Variants in YTHDC1 observed in about 807,000 individuals in gnomAD.
The protein encoded by YTHDC1 is YTH domain-containing protein 1.
YTHDC1 carries 12 observed loss-of-function variants against 107.0 expected under a neutral mutation model. The ratio of observed to expected loss-of-function variants is 0.11; its 90% CI spans 0.07 to 0.18. The LOEUF (loss-of-function observed/expected upper bound fraction) is 0.18. Among genes scored for constraint, YTHDC1 ranks in the 10% least tolerant of loss-of-function variants. YTHDC1 has a pLI of 1.00. For missense variants in YTHDC1, 635 were observed against 898.8 expected (o/e 0.71, Z 3.75); for synonymous variants, 280 against 289.5 (o/e 0.97, Z 0.33).
intron 4 of YTHDC1, 121 bp from the exon 5 acceptor site, chr4:68,333,518 C>A: frequency 1.7e-6 from 1 of 594,586 alleles, no homozygotes; most frequent in Non-Finnish European, 2.9e-6. Flanking sequence ...CTGTGCTCCT[C>A]TCTCCTGATC....
rs1464476804 is a variant in YTHDC1, at chr4:68,333,354, T to C, written c.927A>G (p.Pro309=). The change falls in exon 5 of 17, where the codon CCA becomes CCG. Residue 309 remains proline (P), a synonymous_variant. Coordinates refer to ENST00000344157, the MANE Select transcript of YTHDC1 (RefSeq NM_001031732.4). ...AGCTTCCACTTCTATCAAAAACAAT[T>C]GGAGATATGCCTCTAGCTCTCTTCC... The part of the protein sequence containing the change: ...KERKRARGIS[P]IVFDRSGSSA... 1.2e-6 allele frequency: 2 copies of C among 1,612,924 alleles called. No individual in the cohort carries two copies. The highest frequency in any genetic ancestry group is 1.3e-5 in the African/African-American group (1 of 74,838).
chr4:68,316,853 A>G (rs1361881930), intron 15 of YTHDC1, among the ~76,000 whole-genome samples: 2 of 152,188 alleles, frequency 1.3e-5, no homozygotes, highest in South Asian at 2.1e-4. Flanking sequence ...CACTACTGTT[A>G]AAGTGGTGAA....
chr4:68,319,012 T>G, intron 12 of YTHDC1, 150 bp from the exon 13 acceptor site: 1 of 788,394 alleles, frequency 1.3e-6, no homozygotes, highest in South Asian at 1.8e-5. Flanking sequence ...TTTTCAAATT[T>G]TCTTCTCAGA....
rs1270515794 is a variant in YTHDC1, at chr4:68,322,830, A to G, written c.1520T>C (p.Met507Thr). ...SIDLYQVIHK[M>T]RHKRRMHSQP... ...AGAATGCATTCTTCTCTTGTGACGC[A>G]TTTTATGAATGACCTGATACAAGTC... Residue 507 changes from methionine (M) to threonine (T), a missense_variant, in exon 11 of 17, where the codon ATG becomes ACG. Transcript: ENST00000344157. The surrounding 1 kb of genome is among the most constrained non-coding windows in gnomAD (Gnocchi z 4.8). The G allele has an allele frequency of 1.2e-6, 2 of 1,614,058 alleles. No homozygotes were observed. Among genetic ancestry groups the G allele is most frequent in the Non-Finnish European group, 8.5e-7 (1 of 1,180,044 alleles).
intron 1 of YTHDC1, among the ~76,000 whole-genome samples, chr4:68,338,792 G>A (rs1185289192): frequency 6.6e-6 from 1 of 152,236 alleles, no homozygotes; most frequent in Non-Finnish European, 1.5e-5. Flanking sequence ...AGAGGTTGCA[G>A]TAAGCCAAGA....
Position 68,338,268 on chromosome 4 carries a change from A to T in YTHDC1, c.130+15T>A, listed in dbSNP as rs1246790322. On this transcript the variant is annotated intron_variant, in intron 2 of 16. Transcript: ENST00000344157. ...ATACTGTTATTTCAACAAAAATAAT[A>T]GAACTCTTACATACCCTTTTTCTCA... is the stretch of plus-strand genomic sequence containing the variant. The T allele has an allele frequency of 6.3e-7, 1 of 1,580,206 alleles. No homozygotes were observed. The highest frequency in any genetic ancestry group is 8.6e-7 in the Non-Finnish European group (1 of 1,159,848).
At position 68,322,611 on chromosome 4, in the gene YTHDC1, C is replaced by T; in HGVS notation, c.1601+138G>A. The T allele has an allele frequency of 9.3e-7, 1 of 1,073,602 alleles. No homozygotes were observed. The highest frequency in any genetic ancestry group is 1.3e-6 in the Non-Finnish European group (1 of 775,976). 66.5% of individuals were successfully genotyped at this position (1,073,602 alleles called of 1,614,324 possible). A position where few individuals can be genotyped will look rare whatever the true frequency, so the allele number is the denominator to read the frequency against. ...GACCATGTGAAATCCTCAATGAAGC[C>T]ACAAACTAGTCCATGCAGCTTGATT... On this transcript the variant is annotated intron_variant, in intron 11 of 16. Coordinates refer to ENST00000344157, the MANE Select transcript of YTHDC1 (RefSeq NM_001031732.4). This position sits in a 1 kb window ranked among gnomAD's most constrained non-coding sequence, Gnocchi z 4.8.
At position 68,323,993 on chromosome 4, in the gene YTHDC1, GTTA is replaced by G; in HGVS notation, c.1434+143_1434+145del. The stretch of plus-strand genomic sequence containing the variant: ...GGATGTCTTATTAGTCTCAATCACA[GTTA>G]TTATAAACTTCAGATAAGATTATTT... On this transcript the variant is annotated intron_variant, in intron 10 of 16. Coordinates refer to ENST00000344157, the MANE Select transcript of YTHDC1 (RefSeq NM_001031732.4). 4 of 659,746 alleles carry G rather than the reference GTTA, an allele frequency of 6.1e-6. No individual in the cohort carries two copies. The South Asian group carries it at 8.8e-5, about 15-fold the overall frequency. The allele number at this position is 659,746 out of a possible 1,614,324, so 40.9% of individuals were successfully genotyped here. A position where few individuals can be genotyped will look rare whatever the true frequency, so the allele number is the denominator to read the frequency against.
rs146033274 is a variant in YTHDC1, at chr4:68,325,471, A to G, written c.1350-1248T>C. On this transcript the variant is annotated intron_variant, in intron 9 of 16. Coordinates refer to ENST00000344157, the MANE Select transcript of YTHDC1 (RefSeq NM_001031732.4). ...ACAGGCATAATGGAAAAGGGAAAAC[A>G]TAAGTAACTTTGCCCAGTGAACATG... Among the ~76,000 whole-genome samples, 80 of 152,334 alleles carry G rather than the reference A, an allele frequency of 5.3e-4. 4 individuals are homozygous for G. The East Asian group carries it at 9.4e-3, about 18-fold the overall frequency.
At chr4:68,346,090 T>TATATATATATATAC (rs1725396218) in intron 1 of YTHDC1, among the ~76,000 whole-genome samples, 1 of 135,622 alleles carries the variant, frequency 7.4e-6, no homozygotes, top group African/African-American at 2.7e-5. Context: ...TATATATATA[T>TATATATATATATAC]ATATATATAT....
chr4:68,344,754 G>T (rs1222267886), intron 1 of YTHDC1, among the ~76,000 whole-genome samples: 1 of 152,230 alleles, frequency 6.6e-6, no homozygotes, highest in Non-Finnish European at 1.5e-5. Flanking sequence ...AAGAGTAACA[G>T]GTCGGGCATG....
At chr4:68,324,254 T>C (rs1722741018) in intron 9 of YTHDC1, 31 bp from the exon 10 acceptor site, 1 of 1,575,504 alleles carries the variant, frequency 6.3e-7, no homozygotes, top group South Asian at 1.1e-5. Context: ...ATTACATTCT[T>C]CTGCAGAATC....
chr4:68,325,169 A>C (rs577589274), intron 9 of YTHDC1, among the ~76,000 whole-genome samples: 1 of 152,248 alleles, frequency 6.6e-6, no homozygotes, highest in Non-Finnish European at 1.5e-5. Flanking sequence ...GACGAGAAAG[A>C]TAAGAGTTTG....
intron 4 of YTHDC1, among the ~76,000 whole-genome samples, chr4:68,334,789 C>T (rs1377326598): frequency 1.3e-5 from 2 of 151,944 alleles, no homozygotes; most frequent in East Asian, 1.9e-4. Flanking sequence ...TTTGGGAGGT[C>T]GAGGCAGGCG....
intron 9 of YTHDC1, among the ~76,000 whole-genome samples, chr4:68,328,631 TG>T (rs1166321068): frequency 6.6e-6 from 1 of 152,236 alleles, no homozygotes; most frequent in East Asian, 1.9e-4. Context: ...AGAATTTAGA[TG>T]ATTTCCAACT....
intron 12 of YTHDC1, among the ~76,000 whole-genome samples, chr4:68,319,179 T>C (rs1289409444): frequency 1.3e-5 from 2 of 152,176 alleles, no homozygotes; most frequent in African/African-American, 4.8e-5. Context: ...AGAGGAACTA[T>C]CTTGAGCACA....
In YTHDC1 at chr4:68,332,107, G is replaced by A. The variant is rs960942910; in HGVS notation, c.1118C>T (p.Ala373Val). The change falls in exon 7 of 17, where the codon GCG becomes GTG. Residue 373 changes from alanine (A) to valine (V), a missense_variant. By Grantham distance (64) the Ala-to-Val change is moderately conservative (BLOSUM62 0). Around this residue, in one of 5 missense-constraint regions of YTHDC1, gnomAD observed 60 missense variants for 172.0 expected, o/e 0.35. Coordinates refer to ENST00000344157, the MANE Select transcript of YTHDC1 (RefSeq NM_001031732.4). ...CAACAGAACTGATGCTAATACCTTC[G>A]CTTTGGCAAGAGACACATTCTCATG... The part of the protein sequence containing the change: ...NNHENVSLAK[A>V]KGVWSTLPVN... 6 of 1,590,124 alleles carry A rather than the reference G, an allele frequency of 3.8e-6. No homozygotes were observed. The highest frequency in any genetic ancestry group is 5.1e-6 in the Non-Finnish European group (6 of 1,167,870).
chr4:68,331,080 G>C (rs1404423452), intron 7 of YTHDC1, among the ~76,000 whole-genome samples: 1 of 152,066 alleles, frequency 6.6e-6, no homozygotes, highest in Non-Finnish European at 1.5e-5. Flanking sequence ...AAATGGCACA[G>C]TATTTGCGTA....
chr4:68,326,054 T>C (rs1406633401), intron 9 of YTHDC1, among the ~76,000 whole-genome samples: 1 of 152,178 alleles, frequency 6.6e-6, no homozygotes, highest in Non-Finnish European at 1.5e-5. Flanking sequence ...TAAATTTTTC[T>C]TCTAATTGCC....
Sources: allele counts gnomAD v4.1 joint callset (sites outside exome capture counted in the v4.1 genomes callset), GRCh38; gene constraint gnomAD v4.1.1; regional missense constraint gnomAD v4.1.1; non-coding constraint Gnocchi (gnomAD v3.1); transcripts MANE v1.5; gene names NCBI Gene and HGNC (gene_info 2026-07-23, HGNC 2026-07-21).